Variants in SULT1E1 observed in about 807,000 individuals in gnomAD.
SULT1E1 encodes the protein sulfotransferase family 1E member 1.
A neutral mutation model predicts 33.6 loss-of-function variants in SULT1E1; 36 were observed. The observed-to-expected ratio is 1.07, with a 90% CI of 0.82 to 1.41. SULT1E1 has a LOEUF of 1.41. SULT1E1 is among the 40% of genes most tolerant of loss of function. The pLI is 0.00. For synonymous variants in SULT1E1, 121 were observed against 111.7 expected (o/e 1.08, Z -0.53); for missense variants, 371 against 345.7 (o/e 1.07, Z -0.58).
At chr4:69,853,694 C>T (rs957339413) in intron 4 of SULT1E1, among the ~76,000 whole-genome samples, 2 of 152,110 alleles carry the variant, frequency 1.3e-5, no homozygotes, top group African/African-American at 2.4e-5. Context: ...TTGCATGTGT[C>T]TTACTCTTAT....
intron 6 of SULT1E1, 87 bp from the exon 7 acceptor site, chr4:69,844,428 T>C: frequency 1.0e-6 from 1 of 994,914 alleles, no homozygotes; most frequent in Non-Finnish European, 1.4e-6. Context: ...AACCTTTCTC[T>C]TTTCTCCTAC....
chr4:69,850,133 C>T (rs1721072345), intron 4 of SULT1E1, among the ~76,000 whole-genome samples: 2 of 151,988 alleles, frequency 1.3e-5, no homozygotes, highest in South Asian at 4.1e-4. Context: ...ATTTTACATG[C>T]AGAAGAAATA....
chr4:69,840,480 T>TA (rs1004331844), downstream of SULT1E1, among the ~76,000 whole-genome samples: 5 of 152,168 alleles, frequency 3.3e-5, no homozygotes, highest in Non-Finnish European at 7.4e-5. Flanking sequence ...ATGTTTTAAA[T>TA]AAAAAACAAT....
Position 69,844,285 on chromosome 4 carries a change from C to CTT in SULT1E1, c.647_648insAA (p.Glu217ArgfsTer16). ...GATGTATAATCCTGTCCACAAGCTC[C>CTT]TCTGATGGCTTCCTTTCCAGGAAAT... is the stretch of plus-strand genomic sequence containing the variant. On this transcript the variant is annotated frameshift_variant, in exon 7 of 8. Transcript: ENST00000226444. LOFTEE classifies it high-confidence loss of function. 1 of 1,613,792 alleles carries CTT rather than the reference C, an allele frequency of 6.2e-7. No individual in the cohort carries two copies. The highest frequency in any genetic ancestry group is 8.5e-7 in the Non-Finnish European group (1 of 1,179,794).
chr4:69,845,775 A>T (rs1720965078), intron 6 of SULT1E1, among the ~76,000 whole-genome samples: 1 of 151,418 alleles, frequency 6.6e-6, no homozygotes, highest in African/African-American at 2.4e-5. Context: ...AGTTGGAGTA[A>T]CTATTTAATT....
At chr4:69,856,892 C>A (rs1278650760) in intron 2 of SULT1E1, among the ~76,000 whole-genome samples, 1 of 139,562 alleles carries the variant, frequency 7.2e-6, no homozygotes, top group South Asian at 2.4e-4. Context: ...GCAGAGATCG[C>A]GCCACTGCAC....
intron 2 of SULT1E1, among the ~76,000 whole-genome samples, chr4:69,855,770 A>C (rs558768914): frequency 6.6e-6 from 1 of 152,274 alleles, no homozygotes; most frequent in South Asian, 2.1e-4. Context: ...TCCAATCAAA[A>C]ATTTTACTGA....
chr4:69,835,586 C>A, the SULT1E1 span, among the ~76,000 whole-genome samples: 1 of 151,882 alleles, frequency 6.6e-6, no homozygotes, highest in East Asian at 1.9e-4. Flanking sequence ...GAATAGTGAC[C>A]AAGGTATATT....
At chr4:69,834,032 C>T in the SULT1E1 span, among the ~76,000 whole-genome samples, 1 of 152,130 alleles carries the variant, frequency 6.6e-6, no homozygotes, top group African/African-American at 2.4e-5. Context: ...TGGTTTTCCT[C>T]CTTTATCTTG....
chr4:69,827,358 TGGATCCCC>T, the SULT1E1 span, among the ~76,000 whole-genome samples: 1 of 152,160 alleles, frequency 6.6e-6, no homozygotes, highest in East Asian at 1.9e-4. Context: ...GTCCCCAGTA[TGGATCCCC>T]ACTGGGACCT....
chr4:69,828,092 A>C, the SULT1E1 span, among the ~76,000 whole-genome samples: 4 of 152,200 alleles, frequency 2.6e-5, no homozygotes, highest in South Asian at 8.3e-4. Flanking sequence ...ACCCTCACTG[A>C]GTCCCAGGTA....
At chr4:69,844,542 C>T (rs1404314477) in intron 6 of SULT1E1, among the ~76,000 whole-genome samples, 1 of 152,000 alleles carries the variant, frequency 6.6e-6, no homozygotes, top group Non-Finnish European at 1.5e-5. Context: ...ATAAAAGATA[C>T]TTTAAGATTA....
chr4:69,834,013 A>T, the SULT1E1 span, among the ~76,000 whole-genome samples: 6,710 of 152,192 alleles, frequency 0.044, 213 homozygotes, highest in East Asian at 0.082. Context: ...TAGTTGTACC[A>T]GTTTCTTCTG....
chr4:69,842,026 C>A lies in SULT1E1; in HGVS notation c.853G>T (p.Glu285Ter). The A allele has an allele frequency of 6.2e-7, 1 of 1,602,400 alleles. No individual in the cohort carries two copies. The highest frequency in any genetic ancestry group is 8.5e-7 in the Non-Finnish European group (1 of 1,174,716). ...FDKHYEQQMK[E>*]STLKFRTEI ...TCAGTTCGAAACTTCAGTGTAGATT[C>A]CTTCATTTGCTGCTCATAATGTTTA... Residue 285 changes from glutamate (E) to a stop codon, truncating the protein, a stop_gained, in exon 8 of 8, where the codon GAA becomes TAA. Transcript: ENST00000226444. LOFTEE classifies it low-confidence loss of function (END_TRUNC).
At chr4:69,846,552 GT>G (rs1461740165) in intron 6 of SULT1E1, among the ~76,000 whole-genome samples, 1 of 151,348 alleles carries the variant, frequency 6.6e-6, no homozygotes, top group Non-Finnish European at 1.5e-5. Flanking sequence ...AATTTTTGCA[GT>G]TATTAAGAAT....
chr4:69,846,237 G>A (rs1410950236), intron 6 of SULT1E1, among the ~76,000 whole-genome samples: 1 of 130,206 alleles, frequency 7.7e-6, no homozygotes, highest in East Asian at 2.3e-4. Context: ...AACATTCACA[G>A]TTTTCTTAGT....
chr4:69,847,588 A>G (rs1444321426), intron 6 of SULT1E1, 110 bp downstream of exon 6: 5 of 611,634 alleles, frequency 8.2e-6, no homozygotes, highest in Non-Finnish European at 1.3e-5. Context: ...TTAAAAATTT[A>G]CGAGATGGCT....
intron 2 of SULT1E1, among the ~76,000 whole-genome samples, chr4:69,856,706 G>A (rs925793070): frequency 6.6e-6 from 1 of 151,924 alleles, no homozygotes; most frequent in Non-Finnish European, 1.5e-5. Flanking sequence ...AGGCCGAGGC[G>A]GGTGGATCAC....
Position 69,857,627 on chromosome 4 carries a change from G to A in SULT1E1, c.18C>T (p.Asp6=), listed in dbSNP as rs1721270876. Residue 6 remains aspartate, a synonymous_variant, in exon 2 of 8, where the codon GAC becomes GAT. Transcript: ENST00000226444. ...GGACTTCTTCAAACTTTTCATAATA[G>A]TCAAGTTCAGAATTCATTGTGGTAC... is the stretch of plus-strand genomic sequence containing the variant. MNSEL[D]YYEKFEEVHG... 2 of 1,602,364 alleles carry A rather than the reference G, an allele frequency of 1.2e-6. No individual in the cohort carries two copies. The highest frequency in any genetic ancestry group is 1.7e-6 in the Non-Finnish European group (2 of 1,176,580).
Sources: gnomAD v4.1 joint callset for allele counts (sites outside exome capture counted in the v4.1 genomes callset) on GRCh38, gnomAD v4.1.1 for gene constraint, MANE v1.5 for transcripts, NCBI Gene and HGNC (gene_info 2026-07-23, HGNC 2026-07-21) for gene names.